SLC51A: variants seen among roughly 807,000 people sequenced by gnomAD.
The protein encoded by SLC51A is solute carrier family 51 member A.
A neutral mutation model predicts 34.8 loss-of-function variants in SLC51A; 22 were observed. The observed-to-expected ratio is 0.63, with a 90% confidence interval of 0.45 to 0.90. The LOEUF is 0.90. Among genes scored for constraint, SLC51A ranks in the 40% least tolerant of loss-of-function variants. The pLI, the probability that SLC51A is intolerant of heterozygous loss-of-function variation, is 0.00. For missense variants in SLC51A, 371 were observed against 414.8 expected (o/e 0.89, Z 0.92); for synonymous variants, 181 against 176.3 (o/e 1.03, Z -0.21).
At chr3:196,230,148 T>C (rs1373766988) in intron 7 of SLC51A, 87 bp downstream of exon 7, 2 of 1,280,194 alleles carry the variant, frequency 1.6e-6, no homozygotes, top group Admixed American at 6.4e-5. Context: ...AAGGCTAAAG[T>C]GGGCCGGGAA....
At chr3:196,219,877 G>A (rs939421677) in intron 2 of SLC51A, among the ~76,000 whole-genome samples, 4 of 152,174 alleles carry the variant, frequency 2.6e-5, no homozygotes, top group East Asian at 1.9e-4. Flanking sequence ...CTTGCCTCAC[G>A]CAATGAAAAC....
intron 4 of SLC51A, 81 bp downstream of exon 4, chr3:196,227,818 G>C: frequency 7.4e-7 from 1 of 1,354,108 alleles, no homozygotes; most frequent in South Asian, 1.3e-5. Context: ...CTTGATCCCA[G>C]CTGACCATGT....
Position 196,228,766 on chromosome 3 carries a change from G to C in SLC51A, c.522-43G>C, listed in dbSNP as rs1723957506. Reference sequence around the variant, plus strand: ...GGAGCCGGGGCGTCTTCCTGGGGCAGGGGGTTTGTGGGCCCATGTTCCTAA... The same window carrying C: ...GGAGCCGGGGCGTCTTCCTGGGGCACGGGGTTTGTGGGCCCATGTTCCTAA... On this transcript the variant is annotated intron_variant, in intron 5 of 8. Coordinates refer to ENST00000296327, the MANE Select transcript of SLC51A (RefSeq NM_152672.6). The surrounding 1 kb of genome is among the most constrained non-coding windows in gnomAD (Gnocchi z 4.9). 3.2e-6 allele frequency: 5 copies of C among 1,558,380 alleles called. No individual in the cohort carries two copies. Among genetic ancestry groups the C allele is most frequent in the Non-Finnish European group, 4.4e-6 (5 of 1,129,796 alleles).
Position 196,227,734 on chromosome 3 carries a change from C to A in SLC51A, c.359C>A (p.Thr120Asn). 6.2e-7 allele frequency: 1 copy of A among 1,612,524 alleles called. No homozygotes were observed. Among genetic ancestry groups the A allele is most frequent in the Admixed American group, 1.7e-5 (1 of 59,790 alleles). The change falls in exon 4 of 9, where the codon ACC becomes AAC. Residue 120 changes from threonine (T) to asparagine (N), a missense_variant. By Grantham distance (65) the Thr-to-Asn change is moderately conservative. Coordinates refer to ENST00000296327, the MANE Select transcript of SLC51A (RefSeq NM_152672.6). ...CTGGTGCTGGTGGAAATGACCATCA[C>A]CTCGTGAGTGCCCTGCCTCGCCCCA... is the stretch of plus-strand genomic sequence containing the variant. The part of the protein sequence containing the change: ...RSLVLVEMTI[T>N]SFYAVCFYLL...
At chr3:196,230,619 G>A (rs542152083) in intron 7 of SLC51A, among the ~76,000 whole-genome samples, 1 of 152,026 alleles carries the variant, frequency 6.6e-6, no homozygotes, top group Non-Finnish European at 1.5e-5. Flanking sequence ...CAAGTAGCTG[G>A]GATTACAGGC....
chr3:196,232,130 G>T (rs192817189), intron 7 of SLC51A, among the ~76,000 whole-genome samples: 1 of 152,294 alleles, frequency 6.6e-6, no homozygotes, highest in East Asian at 1.9e-4. Context: ...AGTGCTCATT[G>T]GTAGCCATGG....
At position 196,228,072 on chromosome 3, in the gene SLC51A, T is replaced by C. The variant is rs1328377688; in HGVS notation, c.363-43T>C. On this transcript the variant is annotated intron_variant, in intron 4 of 8. Coordinates refer to ENST00000296327, the MANE Select transcript of SLC51A (RefSeq NM_152672.6). This position sits in a 1 kb window ranked among gnomAD's most constrained non-coding sequence, Gnocchi z 4.9. ...CCCACCTCTCCCTGCTGTCTTTCTCTCTGGCAGCAGACCTCGTAGGCCCTC... is the reference window on the plus strand; with the variant it reads ...CCCACCTCTCCCTGCTGTCTTTCTCCCTGGCAGCAGACCTCGTAGGCCCTC... The C allele has an allele frequency of 3.8e-6, 6 of 1,587,094 alleles. No homozygotes were observed. The East Asian group carries it at 1.1e-4, about 30-fold the overall frequency.
chr3:196,218,429 G>A (rs557537467), intron 2 of SLC51A, among the ~76,000 whole-genome samples: 4 of 152,222 alleles, frequency 2.6e-5, no homozygotes, highest in Admixed American at 6.5e-5. Flanking sequence ...TGTCCTCACT[G>A]GAGCATTCTG....
chr3:196,229,739 A>G (rs1053918113), intron 6 of SLC51A, 176 bp from the exon 7 acceptor site: 2 of 570,344 alleles, frequency 3.5e-6, no homozygotes, highest in Non-Finnish European at 5.5e-6. Flanking sequence ...CTGTAGTCCC[A>G]GCTACTCAGA....
At position 196,216,797 on chromosome 3, in the gene SLC51A, C is replaced by A. The variant is rs773435896; in HGVS notation, c.38+47C>A. The A allele has an allele frequency of 7.8e-6, 12 of 1,537,962 alleles. No homozygotes were observed. The African/African-American group carries it at 1.2e-4, about 16-fold the overall frequency. On this transcript the variant is annotated intron_variant, in intron 1 of 8. Coordinates refer to ENST00000296327, the MANE Select transcript of SLC51A (RefSeq NM_152672.6). The surrounding 1 kb of genome is among the most constrained non-coding windows in gnomAD (Gnocchi z 4.5). ...TGGGCCAGTCGCTGGGCAGCGGTGG[C>A]CCCTATCCCGCGGCCTGTCCTCTCT...
chr3:196,230,769 C>G (rs373865128), intron 7 of SLC51A, among the ~76,000 whole-genome samples: 1 of 152,232 alleles, frequency 6.6e-6, no homozygotes, highest in Non-Finnish European at 1.5e-5. Flanking sequence ...TAGGCGTGAG[C>G]CACTGTGCCC....
At chr3:196,219,208 A>G (rs1184113474) in intron 2 of SLC51A, among the ~76,000 whole-genome samples, 3 of 152,190 alleles carry the variant, frequency 2.0e-5, no homozygotes, top group Non-Finnish European at 4.4e-5. Context: ...CCTGGGCAAC[A>G]GAGTGAGTGA....
chr3:196,229,533 A>C (rs1275690397), intron 6 of SLC51A, among the ~76,000 whole-genome samples: 3 of 150,026 alleles, frequency 2.0e-5, no homozygotes, highest in Non-Finnish European at 4.4e-5. Context: ...ATGCACCACC[A>C]CCCCCGGCTA....
chr3:196,229,860 AG>A, intron 6 of SLC51A, 54 bp from the exon 7 acceptor site: 1 of 1,499,764 alleles, frequency 6.7e-7, no homozygotes, highest in Non-Finnish European at 9.0e-7. Flanking sequence ...CTTGAAAGAG[AG>A]AGAGAGAGAG....
In SLC51A at chr3:196,229,783, T is replaced by G. The variant is rs1401712346; in HGVS notation, c.634-132T>G. On this transcript the variant is annotated intron_variant, in intron 6 of 8. Coordinates refer to ENST00000296327, the MANE Select transcript of SLC51A (RefSeq NM_152672.6). ...GCGAGGGGATCACTGGAGCCAGGAGTGTGATGCTGCAGTGAGCTATCATTG... is the reference window on the plus strand; with the variant it reads ...GCGAGGGGATCACTGGAGCCAGGAGGGTGATGCTGCAGTGAGCTATCATTG... 8 of 1,020,906 alleles carry G rather than the reference T, an allele frequency of 7.8e-6. No individual in the cohort carries two copies. The African/African-American group carries it at 8.3e-5, about 11-fold the overall frequency. 63.2% of individuals were successfully genotyped at this position (1,020,906 alleles called of 1,614,324 possible).
At chr3:196,222,482 A>C (rs1290320532) in intron 2 of SLC51A, among the ~76,000 whole-genome samples, 1 of 151,526 alleles carries the variant, frequency 6.6e-6, no homozygotes, top group Non-Finnish European at 1.5e-5. Context: ...TTAAAATACA[A>C]AAATTAGCTG....
intron 1 of SLC51A, among the ~76,000 whole-genome samples, chr3:196,217,251 C>T (rs942701248): frequency 3.3e-5 from 5 of 152,202 alleles, no homozygotes; most frequent in African/African-American, 7.2e-5. Flanking sequence ...TGAGGCCGGG[C>T]GCCTGTAATC....
chr3:196,219,183 G>A (rs945482994), intron 2 of SLC51A, among the ~76,000 whole-genome samples: 15 of 152,202 alleles, frequency 9.9e-5, no homozygotes, highest in South Asian at 6.2e-4. Flanking sequence ...CCGAGATCAC[G>A]CCACTGCACT....
At position 196,218,059 on chromosome 3, in the gene SLC51A, G is replaced by A. The variant is rs554635167; in HGVS notation, c.133+123G>A. 16 of 829,562 alleles carry A rather than the reference G, an allele frequency of 1.9e-5. No individual in the cohort carries two copies. In the South Asian group the frequency reaches 2.4e-4, roughly 13 times the overall value. 51.4% of individuals were successfully genotyped at this position (829,562 alleles called of 1,614,324 possible). ...AGCCGGGGAGAATAACTGGCCCGGT[G>A]TCTGTCATCGTGGTTAAGGCTCTGG... On this transcript the variant is annotated intron_variant, in intron 2 of 8. Transcript: ENST00000296327.
Sources: allele counts gnomAD v4.1 joint callset (sites outside exome capture counted in the v4.1 genomes callset), GRCh38; gene constraint gnomAD v4.1.1; non-coding constraint Gnocchi (gnomAD v3.1); transcripts MANE v1.5; gene names NCBI Gene and HGNC (gene_info 2026-07-23, HGNC 2026-07-21).